The following CHRNA5 variants were observed in gnomAD, a reference collection of about 807,000 sequenced individuals.
CHRNA5 encodes the protein neuronal acetylcholine receptor subunit alpha-5.
Under a neutral mutation model 41.2 loss-of-function variants are expected in CHRNA5, and 28 were observed. The observed-to-expected ratio is 0.68, with a 90% CI of 0.50 to 0.93. The LOEUF (loss-of-function observed/expected upper bound fraction) is 0.93, where lower values mean the gene tolerates loss of function less well. CHRNA5 is among the 40% of genes least tolerant of loss of function. The pLI, the probability that CHRNA5 is intolerant of heterozygous loss-of-function variation, is 0.00. For synonymous variants in CHRNA5, 188 were observed against 205.8 expected (o/e 0.91, Z 0.74); for missense variants, 481 against 581.9 (o/e 0.83, Z 1.78).
intron 1 of CHRNA5, among the ~76,000 whole-genome samples, chr15:78,574,349 C>G (rs1199954608): frequency 6.8e-6 from 1 of 146,784 alleles, no homozygotes; most frequent in African/African-American, 2.5e-5. Context: ...CAATGCACTC[C>G]AGCCTGGCCA....
exon 1 of CHRNA5, chr15:78,565,660 C>A (rs902173838): frequency 3.6e-6 from 2 of 551,452 alleles, no homozygotes; most frequent in Non-Finnish European, 4.9e-6. Flanking sequence ...CCCAAGAGTT[C>A]GCGTTCCCCG....
intron 2 of CHRNA5, 102 bp downstream of exon 2, chr15:78,581,064 T>C: frequency 8.2e-7 from 1 of 1,224,092 alleles, no homozygotes; most frequent in East Asian, 2.3e-5. Flanking sequence ...CAAAGGTGAT[T>C]GAAGCAGTCC....
intron 1 of CHRNA5, among the ~76,000 whole-genome samples, chr15:78,577,340 C>A (rs980670023): frequency 3.9e-5 from 6 of 152,122 alleles, no homozygotes; most frequent in African/African-American, 1.4e-4. Flanking sequence ...ACATTTACAG[C>A]CAGCTAAAAA....
chr15:78,577,798 G>A (rs927731349), intron 1 of CHRNA5, among the ~76,000 whole-genome samples: 1 of 151,858 alleles, frequency 6.6e-6, no homozygotes. Flanking sequence ...GCCAGGTGTG[G>A]TGCACGCCTG....
At chr15:78,587,442 C>T (rs1198213901) in intron 3 of CHRNA5, among the ~76,000 whole-genome samples, 2 of 136,508 alleles carry the variant, frequency 1.5e-5, no homozygotes, top group Non-Finnish European at 3.1e-5. Flanking sequence ...GCGTTCCAGG[C>T]AGCAGGACCT....
exon 2 of CHRNA5, chr15:78,580,943 T>C: frequency 6.2e-7 from 1 of 1,613,720 alleles, no homozygotes; most frequent in Non-Finnish European, 8.5e-7. Context: ...GGACTTGCAA[T>C]ATCTCAATTG....
intron 5 of CHRNA5, 172 bp downstream of exon 5, chr15:78,590,808 A>T: frequency 1.7e-6 from 1 of 603,404 alleles, no homozygotes; most frequent in Non-Finnish European, 2.8e-6. Context: ...GGCTTGTTTC[A>T]GTTAAAGCAC....
rs765300879 is a variant in CHRNA5, at chr15:78,590,275, T to A, written c.884T>A (p.Phe295Tyr). The A allele has an allele frequency of 7.4e-6, 12 of 1,614,026 alleles. No individual in the cohort carries two copies. The South Asian group carries it at 1.2e-4, about 16-fold the overall frequency. The change falls in exon 5 of 6, where the codon TTC (phenylalanine) becomes TAC (tyrosine). Residue 295 changes from phenylalanine (F) to tyrosine (Y), a missense_variant. Coordinates refer to ENST00000299565, the Ensembl canonical transcript of CHRNA5. ...TCAGTACTTGTGTCTTTGACTGTCT[T>A]CCTTCTGGTTATTGAAGAGATCATA...
chr15:78,592,967 T>TA, intron 5 of CHRNA5, 125 bp from the exon 6 acceptor site: 1 of 1,150,336 alleles, frequency 8.7e-7, no homozygotes, highest in Non-Finnish European at 1.2e-6. Flanking sequence ...TAGGGTCACT[T>TA]ACCGTTTAGA....
At chr15:78,572,507 G>T (rs2052814931) in intron 1 of CHRNA5, among the ~76,000 whole-genome samples, 1 of 152,020 alleles carries the variant, frequency 6.6e-6, no homozygotes, top group Non-Finnish European at 1.5e-5. Flanking sequence ...TTTTGAGACG[G>T]AGTTTTGCTC....
At chr15:78,585,727 C>T (rs568430224) in intron 2 of CHRNA5, among the ~76,000 whole-genome samples, 11 of 151,448 alleles carry the variant, frequency 7.3e-5, no homozygotes, top group South Asian at 4.2e-4. Context: ...GCACGAAAAG[C>T]TTTATGAAAT....
chr15:78,593,043 T>G, intron 5 of CHRNA5, 49 bp from the exon 6 acceptor site: 1 of 1,580,462 alleles, frequency 6.3e-7, no homozygotes. Context: ...TCTTAAAATA[T>G]GTACACAATT....
At chr15:78,576,291 C>T (rs559989050) in intron 1 of CHRNA5, among the ~76,000 whole-genome samples, 92 of 152,154 alleles carry the variant, frequency 6.0e-4, no homozygotes, top group African/African-American at 1.9e-3. Context: ...GGACCACAGG[C>T]GCGTGCTACA....
chr15:78,587,490 G>T (rs1273429014), intron 3 of CHRNA5, among the ~76,000 whole-genome samples: 1 of 152,000 alleles, frequency 6.6e-6, no homozygotes, highest in African/African-American at 2.4e-5. Context: ...TGTGCCTAGT[G>T]TGTTTAAGCA....
intron 5 of CHRNA5, chr15:78,591,419 G>A (rs2053013540): frequency 6.6e-6 from 1 of 150,922 alleles, no homozygotes; most frequent in Non-Finnish European, 1.5e-5. Context: ...GCCTAATGTG[G>A]AATTTATAAG....
At chr15:78,583,453 G>A (rs1468530161) in intron 2 of CHRNA5, among the ~76,000 whole-genome samples, 1 of 152,140 alleles carries the variant, frequency 6.6e-6, no homozygotes, top group East Asian at 1.9e-4. Flanking sequence ...CAGCACTTTG[G>A]GAGGCCGAGG....
chr15:78,579,040 C>CT (rs34178407), intron 1 of CHRNA5, among the ~76,000 whole-genome samples: 43,040 of 141,188 alleles, frequency 0.3, 6,994 homozygotes, highest in Middle Eastern at 0.46. Context: ...TATATTTTGA[C>CT]TTTTTTTTTT....
chr15:78,586,615 C>G lies in CHRNA5; in HGVS notation c.259-30C>G, dbSNP rs369401295. ...GAATTATTGTTTCTGTAATTGAAAT[C>G]AATCTTATTTAAATTTTTATTTTTT... On this transcript the variant is annotated intron_variant, in intron 2 of 5. Coordinates refer to ENST00000299565, the Ensembl canonical transcript of CHRNA5. The G allele has an allele frequency of 2.4e-6, 3 of 1,274,474 alleles. No homozygotes were observed. In the African/African-American group the frequency reaches 4.5e-5, roughly 19 times the overall value. 78.9% of individuals were successfully genotyped at this position (1,274,474 alleles called of 1,614,324 possible).
At chr15:78,582,018 G>A (rs1567058000) in intron 2 of CHRNA5, among the ~76,000 whole-genome samples, 2 of 152,030 alleles carry the variant, frequency 1.3e-5, no homozygotes, top group Admixed American at 6.5e-5. Flanking sequence ...ATGCCTGAAC[G>A]TCTCCTTTCC....
Sources: allele counts gnomAD v4.1 joint callset (sites outside exome capture counted in the v4.1 genomes callset), GRCh38; gene constraint gnomAD v4.1.1; transcripts MANE v1.5; gene names NCBI Gene and HGNC (gene_info 2026-07-23, HGNC 2026-07-21).